Variants in DHTKD1 observed in about 807,000 individuals in gnomAD.
DHTKD1 encodes 2-oxoadipate dehydrogenase complex component E1.
DHTKD1 carries 78 observed loss-of-function variants against 101.8 expected under a neutral mutation model. The ratio of observed to expected loss-of-function variants is 0.77; its 90% CI spans 0.64 to 0.93. The LOEUF (loss-of-function observed/expected upper bound fraction) is 0.93. Among genes scored for constraint, DHTKD1 ranks in the 40% least tolerant of loss-of-function variants. The pLI is 0.00. For synonymous variants in DHTKD1, 462 were observed against 450.3 expected, an observed-to-expected ratio of 1.03 and a Z score of -0.33; for missense variants, 1,223 against 1,161.7, an observed-to-expected ratio of 1.05 and a Z score of -0.77.
chr10:12,080,359 A>G (rs983727270), intron 1 of DHTKD1, among the ~76,000 whole-genome samples: 4 of 151,584 alleles, frequency 2.6e-5, no homozygotes, highest in African/African-American at 4.8e-5. Flanking sequence ...ACCCAAGTGC[A>G]TGGGTGGCTC....
intron 15 of DHTKD1, 34 bp downstream of exon 15, chr10:12,118,952 C>A: frequency 6.8e-7 from 1 of 1,466,788 alleles, no homozygotes; most frequent in Non-Finnish European, 9.1e-7. Flanking sequence ...TTTTGATGTT[C>A]AGATACCCAA....
At position 12,117,662 on chromosome 10, in the gene DHTKD1, C is replaced by A; in HGVS notation, c.2320-11C>A. The A allele has an allele frequency of 6.4e-7, 1 of 1,558,532 alleles. No individual in the cohort carries two copies. The highest frequency in any genetic ancestry group is 1.1e-5 in the South Asian group (1 of 86,994). Reference sequence around the variant, plus strand: ...TTGCTTGCTGGATGTGTGGCCTCTTCTCCCTCGTAGGCAGCCGTGTCAACT... The same window carrying A: ...TTGCTTGCTGGATGTGTGGCCTCTTATCCCTCGTAGGCAGCCGTGTCAACT... On this transcript the variant is annotated splice_polypyrimidine_tract_variant and intron_variant, in intron 13 of 16. Coordinates refer to ENST00000263035, the MANE Select transcript of DHTKD1 (RefSeq NM_018706.7).
At position 12,097,936 on chromosome 10, in the gene DHTKD1, G is replaced by A. The variant is rs779720789; in HGVS notation, c.1611G>A (p.Lys537=). The change falls in exon 8 of 17, where the codon AAG becomes AAA. Residue 537 remains lysine (K), a synonymous_variant. Transcript: ENST00000263035. ...ACCTCCTGCGGTTTGTTGGCATGAA[G>A]TCTGTAGAGGTGCCAAGAGAGCTGC... ...PLDLLRFVGM[K]SVEVPRELQM... 6.2e-7 allele frequency: 1 copy of A among 1,614,196 alleles called. No individual in the cohort carries two copies. Among genetic ancestry groups the A allele is most frequent in the Non-Finnish European group, 8.5e-7 (1 of 1,180,022 alleles).
At chr10:12,078,673 G>A (rs1832769910) in intron 1 of DHTKD1, among the ~76,000 whole-genome samples, 1 of 152,116 alleles carries the variant, frequency 6.6e-6, no homozygotes, top group South Asian at 2.1e-4. Flanking sequence ...CTTCTCTAAG[G>A]GGATGTTTTC....
intron 1 of DHTKD1, among the ~76,000 whole-genome samples, chr10:12,069,518 CTTTTTT>C (rs10691718): frequency 2.7e-4 from 22 of 81,556 alleles, no homozygotes; most frequent in East Asian, 1.8e-3. Flanking sequence ...TTTTTGTTTC[CTTTTTT>C]TTTTTTTTTT....
rs756919663 is a variant in DHTKD1, at chr10:12,101,053, C to T, written c.1768C>T (p.Arg590Cys). 11 of 1,613,262 alleles carry T rather than the reference C, an allele frequency of 6.8e-6. No homozygotes were observed. In the South Asian group the frequency reaches 7.7e-5, roughly 11 times the overall value. The change falls in exon 10 of 17, where the codon CGT becomes TGT. Residue 590 changes from arginine (R) to cysteine (C), a missense_variant. Arg to Cys is a radical substitution (Grantham distance 180). Coordinates refer to ENST00000263035, the MANE Select transcript of DHTKD1 (RefSeq NM_018706.7). ...GSLLAQGFNV[R>C]LSGQDVGRGT... Reference sequence around the variant, plus strand: ...CTTGCTTGCTTAAGGTTTTAATGTTCGTCTAAGTGGCCAAGATGTTGGTCG... The same window carrying T: ...CTTGCTTGCTTAAGGTTTTAATGTTTGTCTAAGTGGCCAAGATGTTGGTCG...
At chr10:12,076,216 G>C (rs190451520) in intron 1 of DHTKD1, among the ~76,000 whole-genome samples, 1 of 152,214 alleles carries the variant, frequency 6.6e-6, no homozygotes, top group African/African-American at 2.4e-5. Context: ...GGTGGCTCAC[G>C]CCTGTAATCC....
At position 12,118,591 on chromosome 10, in the gene DHTKD1, C is replaced by G. The variant is rs182114593; in HGVS notation, c.2403-158C>G. ...TAGAGACAGGGTTTCACCGTGTTAGCCAGGATGGTCTTGATTTCCTGACCT... is the reference window on the plus strand; with the variant it reads ...TAGAGACAGGGTTTCACCGTGTTAGGCAGGATGGTCTTGATTTCCTGACCT... On this transcript the variant is annotated intron_variant, in intron 14 of 16. Transcript: ENST00000263035. Among the ~76,000 whole-genome samples the G allele has an allele frequency of 0.091, 13,811 of 151,826 alleles. 825 individuals are homozygous for G. Among genetic ancestry groups the G allele is most frequent in the East Asian group, 0.22 (1,126 of 5,102 alleles).
intron 3 of DHTKD1, among the ~76,000 whole-genome samples, chr10:12,085,871 A>G (rs1832889639): frequency 6.6e-6 from 1 of 152,120 alleles, no homozygotes; most frequent in Admixed American, 6.6e-5. Flanking sequence ...AGATTGCACC[A>G]CTGTACTCCA....
intron 13 of DHTKD1, among the ~76,000 whole-genome samples, chr10:12,115,490 C>A (rs1833401826): frequency 6.6e-6 from 1 of 152,142 alleles, no homozygotes; most frequent in Non-Finnish European, 1.5e-5. Flanking sequence ...TCAGTGCCTC[C>A]TTAAACTTTT....
chr10:12,085,799 ATC>A (rs1171979414), intron 3 of DHTKD1, among the ~76,000 whole-genome samples: 11 of 152,152 alleles, frequency 7.2e-5, no homozygotes, highest in African/African-American at 1.9e-4. Context: ...AGGCAGGAGA[ATC>A]TCTTGAACCC....
At chr10:12,075,405 A>G (rs750644006) in intron 1 of DHTKD1, among the ~76,000 whole-genome samples, 7 of 150,710 alleles carry the variant, frequency 4.6e-5, no homozygotes, top group Non-Finnish European at 1.0e-4. Flanking sequence ...CTTGCTTATG[A>G]TTTTTTTTGT....
In DHTKD1 at chr10:12,100,184, A is replaced by T. The variant is rs1383781683; in HGVS notation, c.1678A>T (p.Met560Leu). The T allele has an allele frequency of 6.3e-7, 1 of 1,585,650 alleles. No individual in the cohort carries two copies. Among genetic ancestry groups the T allele is most frequent in the Non-Finnish European group, 8.6e-7 (1 of 1,164,936 alleles). The stretch of plus-strand genomic sequence containing the variant: ...CTTCCTCTGAATTTTACAGTCCAGA[A>T]TGGAGAAGATGATGGACGGAATCAA... The part of the protein sequence containing the change: ...HLLKTHVQSR[M>L]EKMMDGIKLD... Residue 560 changes from methionine (M) to leucine (L), a missense_variant, in exon 9 of 17, where the codon ATG (methionine) becomes TTG (leucine). Transcript: ENST00000263035.
chr10:12,108,553 T>A (rs1336945106), intron 12 of DHTKD1, among the ~76,000 whole-genome samples: 1 of 152,200 alleles, frequency 6.6e-6, no homozygotes, highest in Non-Finnish European at 1.5e-5. Context: ...GTGCTGGGAT[T>A]ACAGGTGTGA....
chr10:12,106,136 AC>A, intron 10 of DHTKD1, 109 bp from the exon 11 acceptor site: 1 of 1,118,008 alleles, frequency 8.9e-7, no homozygotes, highest in Non-Finnish European at 1.3e-6. Context: ...GTGGTGATGA[AC>A]GAGAGCAAGG....
chr10:12,100,251 TACTTGCTCAAGGTAAGAA>T lies in DHTKD1; in HGVS notation c.1746_1756+7del. 6.6e-7 allele frequency: 1 copy of T among 1,516,688 alleles called. No individual in the cohort carries two copies. The allele number at this position is 1,516,688 out of a possible 1,614,324, so 94.0% of individuals were successfully genotyped here. ...GCGGAAGCTCTTGCCTTGGGTTCTT[TACTTGCTCAAGGTAAGAA>T]TTTTCTTTTTTTTTTCTGTTTTTTT... On this transcript the variant is annotated splice_donor_variant and splice_donor_5th_base_variant and coding_sequence_variant and intron_variant, in exon 9 of 17. Coordinates refer to ENST00000263035, the MANE Select transcript of DHTKD1 (RefSeq NM_018706.7). LOFTEE classifies it high-confidence loss of function.
rs780189197 is a variant in DHTKD1 at position 12,091,503 on chromosome 10, C to T, written c.988-10C>T. On this transcript the variant is annotated splice_polypyrimidine_tract_variant and intron_variant, in intron 5 of 16. Coordinates refer to ENST00000263035, the MANE Select transcript of DHTKD1 (RefSeq NM_018706.7). ...TTCTCCCCACCCGCTCCCCTTGCCT[C>T]ATGATTTAGGTCCATGGTGATGCTT... 12 of 1,568,726 alleles carry T rather than the reference C, an allele frequency of 7.6e-6. No individual in the cohort carries two copies. The highest frequency in any genetic ancestry group is 6.1e-6 in the Non-Finnish European group (7 of 1,152,816).
Position 12,107,967 on chromosome 10 carries a change from T to G in DHTKD1, c.2106T>G (p.Asp702Glu), listed in dbSNP as rs759597069. The change falls in exon 12 of 17, where the codon GAT becomes GAG. Residue 702 changes from aspartate (D) to glutamate (E), a missense_variant. Transcript: ENST00000263035. This position sits in a 1 kb window ranked among gnomAD's most constrained non-coding sequence, Gnocchi z 4.1. ...TCATCCTCCTTCCACATGGCTACGA[T>G]GGGGCTGGGCCAGACCACTCATCCT... ...GIVILLPHGY[D>E]GAGPDHSSCR... is the part of the protein sequence containing the mutation. The G allele has an allele frequency of 8.7e-6, 14 of 1,613,914 alleles. No individual in the cohort carries two copies. Among genetic ancestry groups the G allele is most frequent in the Admixed American group, 1.7e-5 (1 of 59,976 alleles).
At chr10:12,095,820 A>AAAG (rs1833060997) in intron 7 of DHTKD1, among the ~76,000 whole-genome samples, 1 of 139,778 alleles carries the variant, frequency 7.2e-6, no homozygotes, top group Non-Finnish European at 1.5e-5. Flanking sequence ...CTCAAAAAAA[A>AAAG]AAAAAAAAAA....
Sources: allele counts gnomAD v4.1 joint callset (sites outside exome capture counted in the v4.1 genomes callset), GRCh38; gene constraint gnomAD v4.1.1; non-coding constraint Gnocchi (gnomAD v3.1); transcripts MANE v1.5; gene names NCBI Gene and HGNC (gene_info 2026-07-23, HGNC 2026-07-21).